Variants in PTPRN2 observed in about 807,000 individuals in gnomAD.
PTPRN2 encodes the protein receptor-type tyrosine-protein phosphatase N2.
In PTPRN2, 74 loss-of-function variants were observed where a neutral mutation model predicts 118.8. The observed-to-expected ratio is 0.62, with a 90% CI of 0.52 to 0.76. PTPRN2 has a LOEUF of 0.76. PTPRN2 is among the 30% of genes least tolerant of loss of function. The pLI, the probability that PTPRN2 is intolerant of heterozygous loss-of-function variation, is 0.00. For synonymous variants in PTPRN2, 641 were observed against 608.0 expected (o/e 1.05, Z -0.80); for missense variants, 1,481 against 1,394.4 (o/e 1.06, Z -0.99).
chr7:158,514,233 G>A (rs1823380055), intron 1 of PTPRN2, among the ~76,000 whole-genome samples: 1 of 152,198 alleles, frequency 6.6e-6, no homozygotes, highest in Admixed American at 6.5e-5. Flanking sequence ...ACCTCTGGCT[G>A]TTTGTGGAGA....
intron 11 of PTPRN2, among the ~76,000 whole-genome samples, chr7:158,053,931 C>CGCAGAGACTCCAGAGAT (rs1381846387): frequency 7.9e-6 from 1 of 127,338 alleles, no homozygotes; most frequent in Non-Finnish European, 1.6e-5. Flanking sequence ...ACTCCAGAGA[C>CGCAGAGACTCCAGAGAT]GCAGAGACTC....
intron 1 of PTPRN2, among the ~76,000 whole-genome samples, chr7:158,501,025 G>A (rs1822322878): frequency 6.6e-6 from 1 of 152,382 alleles, no homozygotes; most frequent in East Asian, 1.9e-4. Flanking sequence ...CCTCCCGCTC[G>A]GAGTCCAAAT....
Position 157,874,988 on chromosome 7 carries a change from G to A in PTPRN2, c.1788+23685C>T, listed in dbSNP as rs1456058820. ...ATACACAGAGACACAGGCACACACA[G>A]GCAGACGCAAACGTGCATGCACACA... On this transcript the variant is annotated intron_variant, in intron 12 of 22. Coordinates refer to ENST00000389418, the MANE Select transcript of PTPRN2 (RefSeq NM_002847.5). The surrounding 1 kb of genome is among the most constrained non-coding windows in gnomAD (Gnocchi z 5.8). Among the ~76,000 whole-genome samples, 1 of 150,854 alleles carries A rather than the reference G, an allele frequency of 6.6e-6. No individual in the cohort carries two copies.
intron 12 of PTPRN2, among the ~76,000 whole-genome samples, chr7:157,815,248 G>A (rs969775495): frequency 1.3e-5 from 2 of 152,252 alleles, no homozygotes; most frequent in Admixed American, 1.3e-4. Context: ...TTTGCAGGAC[G>A]GGAGGCTGAG....
chr7:158,122,868 G>A (rs1338537450), intron 9 of PTPRN2, among the ~76,000 whole-genome samples: 1 of 152,194 alleles, frequency 6.6e-6, no homozygotes, highest in Non-Finnish European at 1.5e-5. Flanking sequence ...CAAAACCGAA[G>A]GAAGCCTGCA....
chr7:158,315,396 G>C (rs1586222825), intron 3 of PTPRN2, among the ~76,000 whole-genome samples: 2 of 151,708 alleles, frequency 1.3e-5, no homozygotes, highest in African/African-American at 4.8e-5. Context: ...AAGGACAGAG[G>C]TGAACCCAGG....
intron 6 of PTPRN2, among the ~76,000 whole-genome samples, chr7:158,146,181 G>A (rs1018283240): frequency 6.6e-6 from 1 of 152,096 alleles, no homozygotes; most frequent in African/African-American, 2.4e-5. Context: ...CCCCTTAGAT[G>A]CTCAGTCACA....
intron 2 of PTPRN2, among the ~76,000 whole-genome samples, chr7:158,404,918 T>TGGCTCCCAGCTCCCC (rs1813278655): frequency 3.2e-5 from 2 of 62,654 alleles, no homozygotes; most frequent in Non-Finnish European, 6.1e-5. Context: ...CCCAGCTCCC[T>TGGCTCCCAGCTCCCC]GGCTCCCAGC....
intron 12 of PTPRN2, among the ~76,000 whole-genome samples, chr7:157,896,356 G>A (rs911017117): frequency 3.3e-5 from 5 of 152,196 alleles, no homozygotes; most frequent in Non-Finnish European, 7.3e-5. Flanking sequence ...AAGCCACAGC[G>A]ACCAGGCCCT....
intron 11 of PTPRN2, among the ~76,000 whole-genome samples, chr7:158,047,317 T>G (rs1295666517): frequency 6.6e-6 from 1 of 152,236 alleles, no homozygotes; most frequent in Non-Finnish European, 1.5e-5. Flanking sequence ...CAGTTCCCTT[T>G]CTCTCAAGGA....
chr7:157,826,596 C>T lies in PTPRN2; in HGVS notation c.1788+72077G>A, dbSNP rs182905442. On this transcript the variant is annotated intron_variant, in intron 12 of 22. Coordinates refer to ENST00000389418, the MANE Select transcript of PTPRN2 (RefSeq NM_002847.5). Reference sequence around the variant, plus strand: ...CGAACACGATCGTCACAATCGTGAGCGCCATTTCCACGCGTGCTGTGCTAA... The same window carrying T: ...CGAACACGATCGTCACAATCGTGAGTGCCATTTCCACGCGTGCTGTGCTAA... Among the ~76,000 whole-genome samples the T allele has an allele frequency of 1.1e-3, 170 of 152,190 alleles. 2 individuals are homozygous for T. The highest frequency in any genetic ancestry group is 1.6e-3 in the Non-Finnish European group (111 of 68,016).
intron 12 of PTPRN2, among the ~76,000 whole-genome samples, chr7:157,875,665 G>A (rs1029086681): frequency 4.6e-4 from 70 of 152,170 alleles, no homozygotes; most frequent in Admixed American, 2.6e-4. Flanking sequence ...CCTGGTGGCT[G>A]CAGCAGCAGC....
At chr7:157,910,504 G>T (rs538628087) in intron 11 of PTPRN2, among the ~76,000 whole-genome samples, 39 of 151,076 alleles carry the variant, frequency 2.6e-4, no homozygotes, top group Non-Finnish European at 4.1e-4. Flanking sequence ...ACGCATGTAC[G>T]CCGTGGGAAC....
intron 3 of PTPRN2, among the ~76,000 whole-genome samples, chr7:158,231,276 A>G (rs920238157): frequency 6.6e-6 from 1 of 152,178 alleles, no homozygotes; most frequent in African/African-American, 2.4e-5. Flanking sequence ...AGAAACAACA[A>G]AAAAGATATT....
At chr7:158,122,817 G>C (rs1478467137) in intron 9 of PTPRN2, among the ~76,000 whole-genome samples, 2 of 150,778 alleles carry the variant, frequency 1.3e-5, no homozygotes, top group Non-Finnish European at 3.0e-5. Context: ...AGAAAGGTGG[G>C]GTGAGCCCGG....
At chr7:158,025,259 C>T (rs1454498823) in intron 11 of PTPRN2, among the ~76,000 whole-genome samples, 1 of 152,138 alleles carries the variant, frequency 6.6e-6, no homozygotes. Context: ...AGCCACAATG[C>T]AGTTGATGTA....
intron 1 of PTPRN2, among the ~76,000 whole-genome samples, chr7:158,558,708 C>T (rs999610366): frequency 2.0e-5 from 3 of 149,426 alleles, no homozygotes; most frequent in Non-Finnish European, 1.5e-5. Context: ...TCAGTATTCA[C>T]GCCAAGCCAG....
At chr7:158,188,520 G>A (rs1241834510) in intron 5 of PTPRN2, among the ~76,000 whole-genome samples, 1 of 63,158 alleles carries the variant, frequency 1.6e-5, no homozygotes, top group Non-Finnish European at 2.8e-5. Flanking sequence ...GGGGAAGGCC[G>A]CCACGCTCGC....
chr7:157,633,965 A>G (rs1034405453), intron 14 of PTPRN2, among the ~76,000 whole-genome samples: 1 of 152,166 alleles, frequency 6.6e-6, no homozygotes, highest in Non-Finnish European at 1.5e-5. Context: ...GCAAGTCAGG[A>G]CTGCTGCAGC....
Sources: allele counts gnomAD v4.1 joint callset (sites outside exome capture counted in the v4.1 genomes callset), GRCh38; gene constraint gnomAD v4.1.1; non-coding constraint Gnocchi (gnomAD v3.1); transcripts MANE v1.5; gene names NCBI Gene and HGNC (gene_info 2026-07-23, HGNC 2026-07-21).